ARPP21: variants seen among roughly 807,000 people sequenced by gnomAD.
ARPP21 encodes the protein cAMP-regulated phosphoprotein 21.
Under a neutral mutation model 113.2 loss-of-function variants are expected in ARPP21, and 69 were observed. That is an observed-to-expected ratio of 0.61 (90% CI 0.50 to 0.74). The LOEUF (loss-of-function observed/expected upper bound fraction) is 0.74. Among genes scored for constraint, ARPP21 ranks in the 30% least tolerant of loss-of-function variants. The pLI is 0.00. For missense variants in ARPP21, 1,070 were observed against 1,037.4 expected, an observed-to-expected ratio of 1.03 and a Z score of -0.43; for synonymous variants, 368 against 375.5, an observed-to-expected ratio of 0.98 and a Z score of 0.23.
intron 1 of ARPP21, among the ~76,000 whole-genome samples, chr3:35,655,570 G>A (rs951003681): frequency 1.3e-5 from 2 of 151,914 alleles, no homozygotes; most frequent in Non-Finnish European, 2.9e-5. Context: ...TTTAGATTTT[G>A]ATTTCATAGC....
chr3:35,763,552 A>G (rs377164023), intron 19 of ARPP21, among the ~76,000 whole-genome samples: 1 of 152,130 alleles, frequency 6.6e-6, no homozygotes. Flanking sequence ...AAGAGCTATT[A>G]TCTAATCCCA....
At chr3:35,666,743 T>A (rs1412852648) in intron 1 of ARPP21, among the ~76,000 whole-genome samples, 2 of 152,238 alleles carry the variant, frequency 1.3e-5, no homozygotes, top group Non-Finnish European at 2.9e-5. Context: ...ACAAACATGC[T>A]TTACAGTGTG....
At chr3:35,740,259 C>T (rs2094577580) in intron 18 of ARPP21, among the ~76,000 whole-genome samples, 1 of 152,182 alleles carries the variant, frequency 6.6e-6, no homozygotes, top group South Asian at 2.1e-4. Context: ...TCTTGGGTAT[C>T]CCTTGCAGAA....
intron 15 of ARPP21, among the ~76,000 whole-genome samples, chr3:35,734,919 G>A (rs2094243955): frequency 6.6e-6 from 1 of 152,180 alleles, no homozygotes; most frequent in African/African-American, 2.4e-5. Context: ...GAGACCTAGA[G>A]TATATCTAGT....
intron 1 of ARPP21, among the ~76,000 whole-genome samples, chr3:35,657,284 C>T (rs928570841): frequency 1.3e-5 from 2 of 152,006 alleles, no homozygotes; most frequent in African/African-American, 2.4e-5. Context: ...ACTTAAAGAG[C>T]CCAGTGGCTT....
chr3:35,723,092 A>G (rs1457741664), intron 14 of ARPP21, among the ~76,000 whole-genome samples: 1 of 152,134 alleles, frequency 6.6e-6, no homozygotes, highest in Non-Finnish European at 1.5e-5. Flanking sequence ...TGGGTGGAGC[A>G]TTCAGGCTCC....
At chr3:35,761,290 T>C (rs1006622501) in intron 19 of ARPP21, among the ~76,000 whole-genome samples, 1 of 152,110 alleles carries the variant, frequency 6.6e-6, no homozygotes, top group African/African-American at 2.4e-5. Flanking sequence ...ATTAAAACTA[T>C]AAGGTGGGTG....
Position 35,743,790 on chromosome 3 carries a change from A to G in ARPP21, c.2011-49A>G. On this transcript the variant is annotated intron_variant, in intron 18 of 20. Transcript: ENST00000684406. Reference sequence around the variant, plus strand: ...AAGCATATTTTAAGTTTAAAAATTTACATTATCTACATTTTCATTCTCTGC... The same window carrying G: ...AAGCATATTTTAAGTTTAAAAATTTGCATTATCTACATTTTCATTCTCTGC... 7 of 1,588,796 alleles carry G rather than the reference A, an allele frequency of 4.4e-6. No individual in the cohort carries two copies. In the South Asian group the frequency reaches 7.8e-5, roughly 18 times the overall value.
chr3:35,693,684 G>T (rs1440457087), intron 9 of ARPP21, among the ~76,000 whole-genome samples: 1 of 151,586 alleles, frequency 6.6e-6, no homozygotes, highest in Non-Finnish European at 1.5e-5. Context: ...AAGTGTCTTG[G>T]TTTTTTTGGT....
chr3:35,700,050 C>A (rs563508713), intron 9 of ARPP21, among the ~76,000 whole-genome samples: 2 of 151,734 alleles, frequency 1.3e-5, no homozygotes, highest in African/African-American at 4.8e-5. Flanking sequence ...AAAATATGAA[C>A]GGTATAACCA....
At chr3:35,683,959 T>C in intron 5 of ARPP21, 144 bp downstream of exon 5, 1 of 1,256,746 alleles carries the variant, frequency 8.0e-7, no homozygotes, top group Non-Finnish European at 1.2e-6. Flanking sequence ...ATCCCCTGCT[T>C]ATGCAACATT....
intron 19 of ARPP21, among the ~76,000 whole-genome samples, chr3:35,787,519 C>A (rs967001177): frequency 2.6e-5 from 4 of 152,142 alleles, no homozygotes; most frequent in African/African-American, 9.7e-5. Context: ...TAGCCTCACC[C>A]ATACCTCACC....
intron 13 of ARPP21, among the ~76,000 whole-genome samples, chr3:35,719,999 C>A (rs2092895981): frequency 1.3e-5 from 2 of 152,170 alleles, no homozygotes; most frequent in Non-Finnish European, 2.9e-5. Context: ...CGCTCTATCT[C>A]CCAAGGCTTT....
chr3:35,747,231 G>A (rs1219935968), intron 19 of ARPP21, among the ~76,000 whole-genome samples: 1 of 151,962 alleles, frequency 6.6e-6, no homozygotes, highest in Non-Finnish European at 1.5e-5. Flanking sequence ...GCGGGTGCCT[G>A]TAATCCCAGC....
intron 13 of ARPP21, among the ~76,000 whole-genome samples, chr3:35,718,412 G>T (rs2150237357): frequency 6.6e-6 from 1 of 152,206 alleles, no homozygotes; most frequent in Non-Finnish European, 1.5e-5. Context: ...AAAACTCAGA[G>T]AAAAGCTAAA....
chr3:35,699,115 G>A (rs1034036370), intron 9 of ARPP21, among the ~76,000 whole-genome samples: 1 of 151,578 alleles, frequency 6.6e-6, no homozygotes, highest in Non-Finnish European at 1.5e-5. Context: ...TGAATACATA[G>A]TATGTAACTA....
At chr3:35,783,686 A>T (rs1185197378) in intron 19 of ARPP21, among the ~76,000 whole-genome samples, 1 of 152,108 alleles carries the variant, frequency 6.6e-6, no homozygotes, top group Non-Finnish European at 1.5e-5. Flanking sequence ...CTCTGCTTAT[A>T]AACCTTATAT....
intron 12 of ARPP21, 131 bp from the exon 13 acceptor site, chr3:35,717,167 A>G: frequency 1.8e-6 from 1 of 552,460 alleles, no homozygotes; most frequent in South Asian, 2.8e-5. Flanking sequence ...ATTATGGCAA[A>G]ATTCAACATC....
intron 5 of ARPP21, chr3:35,685,975 C>A: frequency 5.0e-6 from 1 of 201,992 alleles, no homozygotes; most frequent in Non-Finnish European, 8.8e-6. Context: ...TATTTGTCAA[C>A]ACATGGCATC....
Sources: allele counts gnomAD v4.1 joint callset (sites outside exome capture counted in the v4.1 genomes callset), GRCh38; gene constraint gnomAD v4.1.1; transcripts MANE v1.5; gene names NCBI Gene and HGNC (gene_info 2026-07-23, HGNC 2026-07-21).